The following LRRC4C variants were observed in gnomAD, a reference collection of about 807,000 sequenced individuals.
The protein encoded by LRRC4C is leucine-rich repeat-containing protein 4C.
Under a neutral mutation model 33.6 loss-of-function variants are expected in LRRC4C, and 5 were observed. That is an observed-to-expected ratio of 0.15 (90% CI 0.08 to 0.31). The LOEUF is 0.31. LRRC4C is among the 10% of genes least tolerant of loss of function. The pLI is 1.00. For missense variants in LRRC4C, 560 were observed against 796.7 expected, an observed-to-expected ratio of 0.70 and a Z score of 3.58; for synonymous variants, 329 against 302.0, an observed-to-expected ratio of 1.09 and a Z score of -0.93.
At chr11:40,958,615 T>C (rs1014619229) in intron 1 of LRRC4C, among the ~76,000 whole-genome samples, 34 of 151,830 alleles carry the variant, frequency 2.2e-4, no homozygotes, top group African/African-American at 7.7e-4. Context: ...TTAAGGAAAA[T>C]TGTAAAATGT....
At chr11:41,132,321 C>T (rs533849544) in intron 1 of LRRC4C, among the ~76,000 whole-genome samples, 2 of 152,066 alleles carry the variant, frequency 1.3e-5, no homozygotes, top group Admixed American at 6.5e-5. Context: ...GTAGTTTGAC[C>T]ATAGATATTC....
chr11:40,356,730 C>G (rs1036076635), intron 3 of LRRC4C, among the ~76,000 whole-genome samples: 1 of 152,076 alleles, frequency 6.6e-6, no homozygotes, highest in Non-Finnish European at 1.5e-5. Flanking sequence ...TTTTCTGTTG[C>G]CTTGGAGTTA....
At chr11:41,298,787 C>A (rs1338626233) in intron 1 of LRRC4C, among the ~76,000 whole-genome samples, 1 of 152,022 alleles carries the variant, frequency 6.6e-6, no homozygotes, top group East Asian at 1.9e-4. Flanking sequence ...CATCTCCCAC[C>A]CACCCTTGCC....
chr11:40,458,689 A>G (rs1952248028), intron 3 of LRRC4C, among the ~76,000 whole-genome samples: 1 of 152,158 alleles, frequency 6.6e-6, no homozygotes, highest in Non-Finnish European at 1.5e-5. Flanking sequence ...TTTTGTAGGC[A>G]AGGATTCCAA....
chr11:40,467,972 T>C (rs1186057272), intron 3 of LRRC4C, among the ~76,000 whole-genome samples: 1 of 152,198 alleles, frequency 6.6e-6, no homozygotes, highest in East Asian at 1.9e-4. Context: ...GACAAGGCTG[T>C]GCAAATTTGC....
intron 5 of LRRC4C, among the ~76,000 whole-genome samples, chr11:40,211,447 A>G (rs555002175): frequency 6.6e-6 from 1 of 152,368 alleles, no homozygotes; most frequent in Non-Finnish European, 1.5e-5. Context: ...TTAATTGTAA[A>G]CAGACTTCAA....
chr11:41,048,722 T>C (rs1171348361), intron 1 of LRRC4C, among the ~76,000 whole-genome samples: 1 of 152,236 alleles, frequency 6.6e-6, no homozygotes, highest in African/African-American at 2.4e-5. Context: ...AGATTTATAG[T>C]AAGCTTTTAA....
chr11:40,439,335 A>AT (rs1951286162), intron 3 of LRRC4C, among the ~76,000 whole-genome samples: 1 of 151,674 alleles, frequency 6.6e-6, no homozygotes, highest in African/African-American at 2.4e-5. Context: ...GTGCTGTGGG[A>AT]TTTTCTAGTT....
chr11:41,329,625 C>T (rs186414947), intron 1 of LRRC4C, among the ~76,000 whole-genome samples: 2 of 152,282 alleles, frequency 1.3e-5, no homozygotes, highest in Non-Finnish European at 2.9e-5. Flanking sequence ...TGATTCCTTA[C>T]TCCTTGCGAT....
At chr11:41,300,593 C>A (rs1950258601) in intron 1 of LRRC4C, among the ~76,000 whole-genome samples, 1 of 152,142 alleles carries the variant, frequency 6.6e-6, no homozygotes, top group Admixed American at 6.5e-5. Context: ...CTCTTTTCTT[C>A]CCTTTCCGAG....
intron 4 of LRRC4C, among the ~76,000 whole-genome samples, chr11:40,318,623 A>G (rs1455556315): frequency 1.3e-5 from 2 of 152,168 alleles, no homozygotes; most frequent in African/African-American, 4.8e-5. Flanking sequence ...AAATCCATGT[A>G]CACGGGTTGT....
chr11:40,548,038 A>G (rs1275758720), intron 3 of LRRC4C, among the ~76,000 whole-genome samples: 1 of 152,120 alleles, frequency 6.6e-6, no homozygotes, highest in Non-Finnish European at 1.5e-5. Flanking sequence ...TAGTATGTCA[A>G]AGATTAGTAA....
At chr11:40,567,471 T>C (rs2135544535) in intron 3 of LRRC4C, among the ~76,000 whole-genome samples, 1 of 152,298 alleles carries the variant, frequency 6.6e-6, no homozygotes, top group East Asian at 1.9e-4. Context: ...TGCTCCATTT[T>C]ATAGCTATGG....
chr11:40,274,534 G>A (rs1464402458), intron 4 of LRRC4C, among the ~76,000 whole-genome samples: 1 of 150,160 alleles, frequency 6.7e-6, no homozygotes, highest in African/African-American at 2.5e-5. Flanking sequence ...CATTTGATAA[G>A]CATAATGAAA....
intron 3 of LRRC4C, among the ~76,000 whole-genome samples, chr11:40,628,652 C>T (rs1202876957): frequency 6.6e-6 from 1 of 152,072 alleles, no homozygotes; most frequent in Non-Finnish European, 1.5e-5. Flanking sequence ...GTGTTGAGGT[C>T]ACATTTAGGC....
At chr11:40,545,157 A>C (rs1591061472) in intron 3 of LRRC4C, among the ~76,000 whole-genome samples, 1 of 152,140 alleles carries the variant, frequency 6.6e-6, no homozygotes, top group Admixed American at 6.6e-5. Flanking sequence ...ACAGCACTCT[A>C]CAAATCTAAT....
At chr11:40,461,641 C>G (rs959317382) in intron 3 of LRRC4C, among the ~76,000 whole-genome samples, 1 of 149,994 alleles carries the variant, frequency 6.7e-6, no homozygotes, top group African/African-American at 2.4e-5. Context: ...ACATATAATA[C>G]TTTCTCTAAT....
chr11:40,797,324 G>T (rs534497506), intron 2 of LRRC4C, among the ~76,000 whole-genome samples: 1 of 152,046 alleles, frequency 6.6e-6, no homozygotes, highest in African/African-American at 2.4e-5. Flanking sequence ...GAAAGGTTAG[G>T]TGTTACTGTG....
chr11:40,573,189 A>T (rs1263635382), intron 3 of LRRC4C, among the ~76,000 whole-genome samples: 1 of 152,176 alleles, frequency 6.6e-6, no homozygotes, highest in East Asian at 1.9e-4. Flanking sequence ...TTCATCTTTC[A>T]GATGTTAAAA....
Sources: gnomAD v4.1 joint callset for allele counts (sites outside exome capture counted in the v4.1 genomes callset) on GRCh38, gnomAD v4.1.1 for gene constraint, MANE v1.5 for transcripts, NCBI Gene and HGNC (gene_info 2026-07-23, HGNC 2026-07-21) for gene names.